ANKS1B: variants seen among roughly 807,000 people sequenced by gnomAD.
ANKS1B encodes ankyrin repeat and sterile alpha motif domain containing 1B.
Under a neutral mutation model 148.3 loss-of-function variants are expected in ANKS1B, and 36 were observed. The observed-to-expected ratio is 0.24, with a 90% CI of 0.19 to 0.32. The LOEUF is 0.32. Ranked by LOEUF, ANKS1B falls within the 10% of genes least tolerant of loss-of-function variation. The pLI, the probability that ANKS1B is intolerant of heterozygous loss-of-function variation, is 1.00. For synonymous variants in ANKS1B, 542 were observed against 560.8 expected, an observed-to-expected ratio of 0.97 and a Z score of 0.47; for missense variants, 1,157 against 1,542.6, an observed-to-expected ratio of 0.75 and a Z score of 4.19.
rs767541336 is a variant in ANKS1B at position 98,745,118 on chromosome 12, A to G, written c.*621T>C. ...TGAATCATTCTTTCCTTTTGAACCA[A>G]TCATTTGGTTGAAAGGTTTTCTTTC... is the stretch of plus-strand genomic sequence containing the variant. On this transcript the variant is annotated 3_prime_UTR_variant, in exon 27 of 27. Transcript: ENST00000683438. 7 of 985,744 alleles carry G rather than the reference A, an allele frequency of 7.1e-6. No individual in the cohort carries two copies. The East Asian group carries it at 4.5e-4, about 64-fold the overall frequency. 61.1% of individuals were successfully genotyped at this position (985,744 alleles called of 1,614,324 possible). A position where few individuals can be genotyped will look rare whatever the true frequency, so the allele number is the denominator to read the frequency against.
At chr12:98,913,762 C>T (rs180699510) in intron 17 of ANKS1B, among the ~76,000 whole-genome samples, 25 of 152,126 alleles carry the variant, frequency 1.6e-4, no homozygotes, top group African/African-American at 4.3e-4. Flanking sequence ...CGAGTAGCTA[C>T]GATGACAGAC....
intron 25 of ANKS1B, among the ~76,000 whole-genome samples, chr12:98,761,514 C>T (rs1184061823): frequency 6.6e-6 from 1 of 152,214 alleles, no homozygotes; most frequent in Non-Finnish European, 1.5e-5. Context: ...TACCTTTCCA[C>T]AACTCCATGG....
intron 7 of ANKS1B, among the ~76,000 whole-genome samples, chr12:99,775,108 T>C (rs1601876302): frequency 6.6e-6 from 1 of 152,106 alleles, no homozygotes; most frequent in Admixed American, 6.6e-5. Context: ...TAATATTCTA[T>C]TGTATACCTG....
intron 17 of ANKS1B, among the ~76,000 whole-genome samples, chr12:98,845,837 T>C (rs1283061155): frequency 6.6e-6 from 1 of 152,106 alleles, no homozygotes; most frequent in African/African-American, 2.4e-5. Flanking sequence ...GTGTGTTAAG[T>C]AACCTTAGTA....
At chr12:99,980,600 G>A (rs921606497) in intron 1 of ANKS1B, among the ~76,000 whole-genome samples, 2 of 152,020 alleles carry the variant, frequency 1.3e-5, no homozygotes, top group African/African-American at 4.8e-5. Flanking sequence ...CATACTTTAA[G>A]AGGGTCATTG....
chr12:99,345,151 T>C (rs1041569526), intron 12 of ANKS1B, among the ~76,000 whole-genome samples: 3 of 152,072 alleles, frequency 2.0e-5, no homozygotes, highest in African/African-American at 7.2e-5. Context: ...TCCTAATTCA[T>C]CTTATATCAA....
At chr12:99,934,911 CA>C (rs1164270675) in intron 1 of ANKS1B, among the ~76,000 whole-genome samples, 1 of 151,922 alleles carries the variant, frequency 6.6e-6, no homozygotes, top group Non-Finnish European at 1.5e-5. Flanking sequence ...ATGTGAAAAC[CA>C]AAAAGAATGA....
rs148732077 is a variant in ANKS1B at position 99,466,711 on chromosome 12, C to T, written c.1439-22902G>A. ...TAGAAGAAATGGATAAATTCCTTGA[C>T]ACATACACCCTCCCAAGACTAAACC... On this transcript the variant is annotated intron_variant, in intron 10 of 26. Transcript: ENST00000683438. 4.5e-3 allele frequency among the ~76,000 whole-genome samples: 689 copies of T among 152,114 alleles called. 34 individuals are homozygous for T. In the South Asian group the frequency reaches 0.063, roughly 14 times the overall value.
At chr12:99,831,108 T>C (rs1280607628) in intron 1 of ANKS1B, among the ~76,000 whole-genome samples, 1 of 152,036 alleles carries the variant, frequency 6.6e-6, no homozygotes, top group East Asian at 1.9e-4. Context: ...CACCACACTA[T>C]CTTTGGGTCT....
At chr12:98,925,700 A>T (rs2099807171) in intron 17 of ANKS1B, among the ~76,000 whole-genome samples, 1 of 152,154 alleles carries the variant, frequency 6.6e-6, no homozygotes. Context: ...TAGCTATGAA[A>T]ACTAGCAGCC....
chr12:99,739,645 ACCATGTCATCT>A (rs1263485992), intron 8 of ANKS1B, among the ~76,000 whole-genome samples: 1 of 152,120 alleles, frequency 6.6e-6, no homozygotes, highest in African/African-American at 2.4e-5. Context: ...CGTCTCTTTG[ACCATGTCATCT>A]CCATGTCATC....
At chr12:99,121,465 G>C (rs17029081) in intron 15 of ANKS1B, among the ~76,000 whole-genome samples, 1 of 151,926 alleles carries the variant, frequency 6.6e-6, no homozygotes, top group Non-Finnish European at 1.5e-5. Context: ...CTTGAGGTTT[G>C]ATGTTCACTC....
intron 9 of ANKS1B, among the ~76,000 whole-genome samples, chr12:99,644,629 A>G (rs1199063551): frequency 6.6e-6 from 1 of 152,158 alleles, no homozygotes; most frequent in East Asian, 1.9e-4. Context: ...ATTTTTATGC[A>G]CCTGTTACAG....
intron 8 of ANKS1B, among the ~76,000 whole-genome samples, chr12:99,744,545 C>T (rs1383959989): frequency 6.6e-6 from 1 of 152,202 alleles, no homozygotes; most frequent in African/African-American, 2.4e-5. Flanking sequence ...ACTACAGCTA[C>T]AGGCATTCTT....
intron 14 of ANKS1B, among the ~76,000 whole-genome samples, chr12:99,155,319 C>T (rs1346308677): frequency 6.6e-6 from 1 of 152,098 alleles, no homozygotes; most frequent in African/African-American, 2.4e-5. Flanking sequence ...GCAAAATAAG[C>T]CTCTCCGAGA....
At chr12:99,026,331 A>C (rs1289232569) in intron 17 of ANKS1B, among the ~76,000 whole-genome samples, 1 of 152,142 alleles carries the variant, frequency 6.6e-6, no homozygotes. Flanking sequence ...CCCTATACCT[A>C]TGGGCATATT....
At chr12:99,740,026 G>A (rs886308709) in intron 8 of ANKS1B, among the ~76,000 whole-genome samples, 4 of 152,072 alleles carry the variant, frequency 2.6e-5, no homozygotes, top group Non-Finnish European at 4.4e-5. Context: ...AGAACTAGTC[G>A]GTAGCCAGGA....
intron 15 of ANKS1B, among the ~76,000 whole-genome samples, chr12:99,123,860 C>T (rs748497455): frequency 6.6e-6 from 1 of 152,120 alleles, no homozygotes; most frequent in African/African-American, 2.4e-5. Flanking sequence ...TCTCCCAACC[C>T]ACTGACTTTG....
chr12:99,736,221 A>T (rs1281050947), intron 8 of ANKS1B, among the ~76,000 whole-genome samples: 3 of 152,082 alleles, frequency 2.0e-5, no homozygotes, highest in African/African-American at 7.2e-5. Flanking sequence ...TCAACACTCT[A>T]TGCAACATAG....
Sources: gnomAD v4.1 joint callset for allele counts (sites outside exome capture counted in the v4.1 genomes callset) on GRCh38, gnomAD v4.1.1 for gene constraint, MANE v1.5 for transcripts, NCBI Gene and HGNC (gene_info 2026-07-23, HGNC 2026-07-21) for gene names.